The following PCCA variants were observed in gnomAD, a reference collection of about 807,000 sequenced individuals.
PCCA encodes propionyl-CoA carboxylase alpha chain, mitochondrial.
Under a neutral mutation model 101.3 loss-of-function variants are expected in PCCA, and 74 were observed. That is an observed-to-expected ratio of 0.73 (90% CI 0.61 to 0.89). The LOEUF is 0.89. Among genes scored for constraint, PCCA ranks in the 40% least tolerant of loss-of-function variants. The probability of loss-of-function intolerance (pLI) is 0.00; values close to 1 mark genes in which losing one functional copy is unlikely to be tolerated. For missense variants in PCCA, 891 were observed against 907.0 expected (o/e 0.98, Z 0.23); for synonymous variants, 294 against 313.6 (o/e 0.94, Z 0.66).
chr13:100,468,473 C>T lies in PCCA; in HGVS notation c.1899+19168C>T, dbSNP rs1387707126. Among the ~76,000 whole-genome samples, 3 of 152,358 alleles carry T rather than the reference C, an allele frequency of 2.0e-5. No homozygotes were observed. In the East Asian group the frequency reaches 5.8e-4, roughly 29 times the overall value. On this transcript the variant is annotated intron_variant, in intron 21 of 23. Coordinates refer to ENST00000376285, the MANE Select transcript of PCCA (RefSeq NM_000282.4). ...ATCTGTAGTTTAGTGTGGCCACCTT[C>T]ATCGGTGATCTTAACTAGACCTTCT... is the stretch of plus-strand genomic sequence containing the variant.
intron 16 of PCCA, among the ~76,000 whole-genome samples, chr13:100,313,184 T>A (rs978955596): frequency 2.0e-5 from 3 of 152,142 alleles, no homozygotes; most frequent in Non-Finnish European, 4.4e-5. Context: ...TCCTGATCCA[T>A]TTGAAAGAAG....
At chr13:100,346,518 A>AGATG in intron 18 of PCCA, among the ~76,000 whole-genome samples, 1 of 152,212 alleles carries the variant, frequency 6.6e-6, no homozygotes, top group Non-Finnish European at 1.5e-5. Flanking sequence ...AAAGTTTTTA[A>AGATG]GATGGACTCT....
intron 6 of PCCA, among the ~76,000 whole-genome samples, chr13:100,169,638 C>T (rs1397328368): frequency 1.3e-5 from 2 of 151,880 alleles, no homozygotes; most frequent in Admixed American, 6.6e-5. Flanking sequence ...AGTGATTCTC[C>T]TGCCTCAGGC....
intron 21 of PCCA, among the ~76,000 whole-genome samples, chr13:100,505,219 CCT>C (rs2085975035): frequency 6.6e-6 from 1 of 152,156 alleles, no homozygotes; most frequent in Non-Finnish European, 1.5e-5. Context: ...ATGTCTTTTC[CCT>C]CTGGCCAGAT....
At chr13:100,328,618 A>G (rs1203270099) in intron 16 of PCCA, among the ~76,000 whole-genome samples, 2 of 150,292 alleles carry the variant, frequency 1.3e-5, no homozygotes, top group African/African-American at 2.4e-5. Flanking sequence ...TACTGTAGTT[A>G]TGAAAATAGG....
intron 6 of PCCA, among the ~76,000 whole-genome samples, chr13:100,199,213 T>C (rs2184970): frequency 0.5 from 75,462 of 151,942 alleles, 19,136 homozygotes; most frequent in East Asian, 0.73. Context: ...CCTGGAAAGC[T>C]GTGTGACCCA....
intron 7 of PCCA, among the ~76,000 whole-genome samples, chr13:100,224,632 A>G (rs2060040334): frequency 6.6e-6 from 1 of 152,226 alleles, no homozygotes; most frequent in Non-Finnish European, 1.5e-5. Context: ...TATTCAGGCA[A>G]TTGACTACAT....
intron 2 of PCCA, 44 bp downstream of exon 2, chr13:100,103,004 C>A: frequency 7.8e-7 from 1 of 1,288,808 alleles, no homozygotes; most frequent in Non-Finnish European, 1.1e-6. Flanking sequence ...TTAAACTTAT[C>A]ATGGTTTTAC....
intron 19 of PCCA, among the ~76,000 whole-genome samples, chr13:100,369,795 A>G (rs2075447299): frequency 6.6e-6 from 1 of 152,202 alleles, no homozygotes; most frequent in East Asian, 1.9e-4. Flanking sequence ...TGGTCATTTC[A>G]GAAAAACAGC....
intron 7 of PCCA, among the ~76,000 whole-genome samples, chr13:100,234,890 C>T (rs1392350352): frequency 7.0e-6 from 1 of 143,066 alleles, no homozygotes. Flanking sequence ...CTGAATTACA[C>T]AAACACACAC....
At chr13:100,481,414 C>T (rs547061364) in intron 21 of PCCA, among the ~76,000 whole-genome samples, 10 of 152,218 alleles carry the variant, frequency 6.6e-5, no homozygotes, top group East Asian at 5.8e-4. Flanking sequence ...AAAAATTCAC[C>T]GGTCACGGTG....
chr13:100,427,432 G>A (rs536811149), intron 20 of PCCA, among the ~76,000 whole-genome samples: 4 of 152,222 alleles, frequency 2.6e-5, no homozygotes, highest in East Asian at 1.9e-4. Context: ...CAGTGAGTGC[G>A]CAGATAGTTG....
At chr13:100,199,422 C>G (rs549635221) in intron 6 of PCCA, among the ~76,000 whole-genome samples, 181 of 152,188 alleles carry the variant, frequency 1.2e-3, no homozygotes, top group Non-Finnish European at 1.9e-3. Flanking sequence ...GCTTCCTTTT[C>G]TTCATGACTT....
intron 22 of PCCA, among the ~76,000 whole-genome samples, chr13:100,522,465 C>T (rs2087382868): frequency 6.6e-6 from 1 of 152,208 alleles, no homozygotes; most frequent in Admixed American, 6.5e-5. Flanking sequence ...CCATATGCCA[C>T]TGGCACCGTT....
chr13:100,133,383 C>T (rs2050757790), intron 4 of PCCA, among the ~76,000 whole-genome samples: 1 of 152,110 alleles, frequency 6.6e-6, no homozygotes, highest in Non-Finnish European at 1.5e-5. Context: ...TACTGCAGAT[C>T]ACTTGTTTTT....
chr13:100,208,179 A>T (rs2058984315), intron 6 of PCCA, among the ~76,000 whole-genome samples: 1 of 151,916 alleles, frequency 6.6e-6, no homozygotes, highest in South Asian at 2.1e-4. Flanking sequence ...ATCTCCTTGT[A>T]TATTCTTTGT....
intron 6 of PCCA, among the ~76,000 whole-genome samples, chr13:100,176,448 T>G (rs771269075): frequency 5.3e-5 from 8 of 152,214 alleles, no homozygotes; most frequent in Non-Finnish European, 1.0e-4. Flanking sequence ...TGTATAAAAA[T>G]TTGGGTTTAT....
At chr13:100,455,803 A>T (rs2081664663) in intron 21 of PCCA, among the ~76,000 whole-genome samples, 1 of 151,912 alleles carries the variant, frequency 6.6e-6, no homozygotes. Context: ...GGGTTCAAGC[A>T]ATTCTTCTGT....
At chr13:100,154,902 A>G in intron 4 of PCCA, 77 bp from the exon 5 acceptor site, 1 of 968,250 alleles carries the variant, frequency 1.0e-6, no homozygotes, top group Non-Finnish European at 1.7e-6. Context: ...TCAGATTTGC[A>G]ATTTTGTGTG....
Sources: allele counts gnomAD v4.1 joint callset (sites outside exome capture counted in the v4.1 genomes callset), GRCh38; gene constraint gnomAD v4.1.1; transcripts MANE v1.5; gene names NCBI Gene and HGNC (gene_info 2026-07-23, HGNC 2026-07-21).